DHRS7B: variants seen among roughly 807,000 people sequenced by gnomAD.
DHRS7B encodes the protein peroxisomal reductase activating PPAR-gamma.
In DHRS7B, 24 loss-of-function variants were observed where a neutral mutation model predicts 26.4. The ratio of observed to expected loss-of-function variants is 0.91; its 90% CI spans 0.66 to 1.28. DHRS7B has a LOEUF of 1.28. Among genes scored for constraint, DHRS7B ranks in the 50% most tolerant of loss-of-function variants. DHRS7B has a pLI of 0.00. For synonymous variants in DHRS7B, 142 were observed against 166.4 expected, an observed-to-expected ratio of 0.85 and a Z score of 1.13; for missense variants, 368 against 419.4, an observed-to-expected ratio of 0.88 and a Z score of 1.07.
At chr17:21,171,811 C>T (rs541037750) in intron 1 of DHRS7B, 62 of 699,308 alleles carry the variant, frequency 8.9e-5, no homozygotes, top group East Asian at 8.0e-4. Context: ...CTTTTCTGTC[C>T]GCTCATGTCA....
At chr17:21,173,626 G>A (rs1974310017) in intron 2 of DHRS7B, among the ~76,000 whole-genome samples, 1 of 152,176 alleles carries the variant, frequency 6.6e-6, no homozygotes, top group African/African-American at 2.4e-5. Context: ...AGGGAGTATG[G>A]ATTCATTTGT....
At chr17:21,183,848 G>T in intron 4 of DHRS7B, 38 bp downstream of exon 4, 8 of 1,561,646 alleles carry the variant, frequency 5.1e-6, no homozygotes, top group Non-Finnish European at 7.1e-6. Context: ...TAAGTGATAT[G>T]TTGGCATTCT....
chr17:21,180,471 C>A (rs1390726192), intron 3 of DHRS7B, among the ~76,000 whole-genome samples: 1 of 152,118 alleles, frequency 6.6e-6, no homozygotes, highest in African/African-American at 2.4e-5. Flanking sequence ...TTATTTTGCA[C>A]GTGATTATCT....
chr17:21,137,830 C>A (rs539014217), intron 1 of DHRS7B, among the ~76,000 whole-genome samples: 194 of 150,996 alleles, frequency 1.3e-3, no homozygotes, highest in Admixed American at 2.3e-3. Flanking sequence ...AATCTCCCAA[C>A]CTCGTGATCT....
At chr17:21,138,939 G>A (rs544964957) in intron 1 of DHRS7B, among the ~76,000 whole-genome samples, 14 of 151,764 alleles carry the variant, frequency 9.2e-5, no homozygotes, top group Non-Finnish European at 1.3e-4. Context: ...ATTTGTTTAC[G>A]TACATTATTT....
intron 1 of DHRS7B, among the ~76,000 whole-genome samples, chr17:21,132,348 A>AAAAAT (rs1491147235): frequency 8.8e-5 from 11 of 125,048 alleles, no homozygotes; most frequent in African/African-American, 3.2e-4. Context: ...AAAAAAAAAA[A>AAAAAT]ATATATATAT....
chr17:21,157,737 C>T (rs1410209551), intron 1 of DHRS7B, among the ~76,000 whole-genome samples: 4 of 151,970 alleles, frequency 2.6e-5, no homozygotes, highest in South Asian at 2.1e-4. Flanking sequence ...GGTGGTGGCT[C>T]ATTCCTGTAG....
intron 3 of DHRS7B, 30 bp downstream of exon 3, chr17:21,178,372 A>G: frequency 6.3e-7 from 1 of 1,585,920 alleles, no homozygotes; most frequent in Non-Finnish European, 8.7e-7. Flanking sequence ...TCCATGGGGA[A>G]GGAGTGCAGG....
rs1974269741 is a variant in DHRS7B, at chr17:21,172,182, C to T, written c.185C>T (p.Ser62Leu). The change falls in exon 2 of 7, where the codon TCA (serine) becomes TTA (leucine). Residue 62 changes from serine (S) to leucine (L), a missense_variant. Physicochemically the swap from Ser to Leu is moderately radical, Grantham distance 145. Coordinates refer to ENST00000395511, the MANE Select transcript of DHRS7B (RefSeq NM_015510.5). ...NAVVVITGAT[S>L]GLGKECAKVF... Reference sequence around the variant, plus strand: ...GTGGTGGTGATCACAGGCGCCACCTCAGGGCTGGGCAAAGGTGGGTCCTGG... The same window carrying T: ...GTGGTGGTGATCACAGGCGCCACCTTAGGGCTGGGCAAAGGTGGGTCCTGG... 6.2e-7 allele frequency: 1 copy of T among 1,612,208 alleles called. No homozygotes were observed. The highest frequency in any genetic ancestry group is 1.3e-5 in the African/African-American group (1 of 75,012).
intron 1 of DHRS7B, among the ~76,000 whole-genome samples, chr17:21,142,048 C>T (rs185578287): frequency 5.9e-5 from 9 of 152,220 alleles, no homozygotes; most frequent in Non-Finnish European, 1.2e-4. Context: ...CGGACAAAAC[C>T]CCTCAGACAC....
chr17:21,171,627 T>A, intron 1 of DHRS7B: 1 of 323,754 alleles, frequency 3.1e-6, no homozygotes, highest in East Asian at 7.5e-5. Context: ...TCACAAGTAT[T>A]CAGGGATTGA....
intron 1 of DHRS7B, among the ~76,000 whole-genome samples, chr17:21,136,845 C>T (rs1158916104): frequency 4.0e-5 from 6 of 151,896 alleles, no homozygotes; most frequent in African/African-American, 7.3e-5. Flanking sequence ...TGTGAGCCAC[C>T]GCACCCAGTC....
At chr17:21,150,104 TTA>T (rs1973730214) in intron 1 of DHRS7B, among the ~76,000 whole-genome samples, 1 of 40,432 alleles carries the variant, frequency 2.5e-5, no homozygotes, top group African/African-American at 1.6e-4. Context: ...CCATCTCTAT[TTA>T]AAAAAAAAAA....
intron 2 of DHRS7B, among the ~76,000 whole-genome samples, chr17:21,177,770 C>T (rs1974416969): frequency 6.6e-6 from 1 of 152,324 alleles, no homozygotes; most frequent in East Asian, 1.9e-4. Context: ...GTCCCCTGCC[C>T]CAGCTTTTCT....
intron 1 of DHRS7B, among the ~76,000 whole-genome samples, chr17:21,151,129 T>TA (rs1443549866): frequency 3.3e-5 from 5 of 152,150 alleles, no homozygotes; most frequent in Admixed American, 2.6e-4. Context: ...GAACAACAGT[T>TA]ATGTGATTAG....
At chr17:21,127,102 G>A in intron 1 of DHRS7B, 111 bp downstream of exon 1, 1 of 1,218,906 alleles carries the variant, frequency 8.2e-7, no homozygotes, top group East Asian at 3.2e-5. Context: ...TCGAGCTAAG[G>A]CCGCGGGCCC....
Position 21,179,648 on chromosome 17 carries a change from A to G in DHRS7B, c.309+1306A>G, listed in dbSNP as rs779943482. 1.1e-3 allele frequency among the ~76,000 whole-genome samples: 171 copies of G among 152,162 alleles called. 2 individuals carry two copies. Among genetic ancestry groups the G allele is most frequent in the Non-Finnish European group, 6.5e-4 (44 of 67,992 alleles). ...AAGTCCTTTGCTTGTTTTTTTAATC[A>G]GGTTGTTGTTTGTTGTTGTTGAGTT... On this transcript the variant is annotated intron_variant, in intron 3 of 6. Coordinates refer to ENST00000395511, the MANE Select transcript of DHRS7B (RefSeq NM_015510.5).
rs1181272412 is a variant in DHRS7B at position 21,140,532 on chromosome 17, A to C, written c.20+13541A>C. On this transcript the variant is annotated intron_variant, in intron 1 of 6. Coordinates refer to ENST00000395511, the MANE Select transcript of DHRS7B (RefSeq NM_015510.5). ...CACACACACACACACACACACACAC[A>C]CACACACCCTGACACCCTATAGCTT... 2.7e-5 allele frequency among the ~76,000 whole-genome samples: 4 copies of C among 149,202 alleles called. No homozygotes were observed. The East Asian group carries it at 6.0e-4, about 22-fold the overall frequency.
chr17:21,157,594 T>G (rs561510062), intron 1 of DHRS7B, among the ~76,000 whole-genome samples: 3 of 152,110 alleles, frequency 2.0e-5, no homozygotes, highest in Non-Finnish European at 4.4e-5. Flanking sequence ...CTTAGGAGGC[T>G]AAGGTGGGAG....
Sources: gnomAD v4.1 joint callset for allele counts (sites outside exome capture counted in the v4.1 genomes callset) on GRCh38, gnomAD v4.1.1 for gene constraint, MANE v1.5 for transcripts, NCBI Gene and HGNC (gene_info 2026-07-23, HGNC 2026-07-21) for gene names.